The following CNTN4 variants were observed in gnomAD, a reference collection of about 807,000 sequenced individuals.
CNTN4 encodes the protein contactin 4.
A neutral mutation model predicts 122.5 loss-of-function variants in CNTN4; 77 were observed. The ratio of observed to expected loss-of-function variants is 0.63; its 90% CI spans 0.52 to 0.76. CNTN4 has a LOEUF of 0.76. Ranked by LOEUF, CNTN4 falls within the 30% of genes least tolerant of loss-of-function variation. The pLI, the probability that CNTN4 is intolerant of heterozygous loss-of-function variation, is 0.00. For missense variants in CNTN4, 1,256 were observed against 1,259.1 expected (o/e 1.00, Z 0.04); for synonymous variants, 512 against 447.0 (o/e 1.15, Z -1.83).
At chr3:2,631,471 A>G (rs1427515162) in intron 4 of CNTN4, among the ~76,000 whole-genome samples, 1 of 152,154 alleles carries the variant, frequency 6.6e-6, no homozygotes, top group Non-Finnish European at 1.5e-5. Flanking sequence ...CATGTACTAT[A>G]CAAGACCCAC....
chr3:2,982,196 T>C (rs1694090000), intron 13 of CNTN4, among the ~76,000 whole-genome samples: 1 of 152,220 alleles, frequency 6.6e-6, no homozygotes, highest in Admixed American at 6.5e-5. Context: ...GTGTGGTTAT[T>C]CTTCCATTAT....
intron 4 of CNTN4, among the ~76,000 whole-genome samples, chr3:2,729,408 G>A (rs1417178605): frequency 6.6e-6 from 1 of 150,886 alleles, no homozygotes; most frequent in South Asian, 2.1e-4. Flanking sequence ...AGCCGGGCGT[G>A]GTGGCAGGCG....
At chr3:2,604,512 T>G (rs1434952472) in intron 4 of CNTN4, among the ~76,000 whole-genome samples, 1 of 152,038 alleles carries the variant, frequency 6.6e-6, no homozygotes, top group Non-Finnish European at 1.5e-5. Flanking sequence ...TTTCAGTTGG[T>G]AAAAAGTGCT....
At chr3:2,883,719 C>G (rs1448187656) in intron 9 of CNTN4, among the ~76,000 whole-genome samples, 1 of 152,192 alleles carries the variant, frequency 6.6e-6, no homozygotes, top group Non-Finnish European at 1.5e-5. Flanking sequence ...TCTCCTCTGG[C>G]TAGAGATAGG....
intron 2 of CNTN4, among the ~76,000 whole-genome samples, chr3:2,200,834 T>C (rs756227061): frequency 6.6e-6 from 1 of 152,218 alleles, no homozygotes; most frequent in Non-Finnish European, 1.5e-5. Flanking sequence ...AGCCCCCTTA[T>C]GCTTCAGTAG....
At chr3:2,340,155 G>A (rs56214798) in intron 3 of CNTN4, among the ~76,000 whole-genome samples, 10,788 of 152,148 alleles carry the variant, frequency 0.071, 444 homozygotes, top group Middle Eastern at 0.082. Context: ...CACAGATTTT[G>A]GAGATTAGGA....
chr3:2,731,951 A>G (rs2088716856), intron 4 of CNTN4, among the ~76,000 whole-genome samples: 1 of 152,220 alleles, frequency 6.6e-6, no homozygotes, highest in Admixed American at 6.5e-5. Flanking sequence ...TCTGGAGTTC[A>G]ACTACAAGTG....
chr3:2,656,705 A>G (rs186066411), intron 4 of CNTN4, among the ~76,000 whole-genome samples: 1 of 152,368 alleles, frequency 6.6e-6, no homozygotes, highest in African/African-American at 2.4e-5. Flanking sequence ...TGTATGCAGT[A>G]CTAGCTTATG....
chr3:2,586,314 C>T (rs1037741693), intron 4 of CNTN4, among the ~76,000 whole-genome samples: 8 of 152,106 alleles, frequency 5.3e-5, no homozygotes, highest in South Asian at 2.1e-4. Context: ...GTTTTTGAGA[C>T]GGAGTCTTGC....
intron 3 of CNTN4, among the ~76,000 whole-genome samples, chr3:2,466,290 T>C (rs1367822211): frequency 6.6e-6 from 1 of 152,238 alleles, no homozygotes; most frequent in Non-Finnish European, 1.5e-5. Context: ...ATCCTGCACG[T>C]TCTCAGCCCC....
At chr3:2,759,286 G>C (rs2090478827) in intron 6 of CNTN4, among the ~76,000 whole-genome samples, 1 of 152,108 alleles carries the variant, frequency 6.6e-6, no homozygotes, top group Admixed American at 6.5e-5. Context: ...CTCCTGAGTA[G>C]CTGGGATTAC....
chr3:2,257,009 G>A (rs2040621416), intron 2 of CNTN4, among the ~76,000 whole-genome samples: 1 of 152,134 alleles, frequency 6.6e-6, no homozygotes, highest in South Asian at 2.1e-4. Flanking sequence ...GAACAAGGCT[G>A]GAGGCATCAG....
At chr3:2,150,411 C>A (rs1454750405) in intron 2 of CNTN4, among the ~76,000 whole-genome samples, 1 of 151,918 alleles carries the variant, frequency 6.6e-6, no homozygotes, top group Admixed American at 6.6e-5. Flanking sequence ...TCTTTTTTTC[C>A]TTGCAATTTT....
At chr3:2,202,512 C>T (rs1392553764) in intron 2 of CNTN4, among the ~76,000 whole-genome samples, 1 of 152,168 alleles carries the variant, frequency 6.6e-6, no homozygotes, top group Non-Finnish European at 1.5e-5. Flanking sequence ...TAGAACCCTA[C>T]TCAAGACTTA....
intron 4 of CNTN4, among the ~76,000 whole-genome samples, chr3:2,705,955 TAA>T (rs2086705181): frequency 2.3e-5 from 3 of 129,800 alleles, no homozygotes; most frequent in African/African-American, 8.7e-5. Context: ...ATATAATATA[TAA>T]ATATATAAAA....
chr3:2,388,165 T>G (rs757516398), intron 3 of CNTN4, among the ~76,000 whole-genome samples: 1 of 152,232 alleles, frequency 6.6e-6, no homozygotes, highest in Non-Finnish European at 1.5e-5. Context: ...AGTTTCATGC[T>G]GAAAGAGCCA....
At chr3:2,527,148 G>A (rs560511143) in intron 3 of CNTN4, among the ~76,000 whole-genome samples, 1 of 152,284 alleles carries the variant, frequency 6.6e-6, no homozygotes, top group South Asian at 2.1e-4. Flanking sequence ...ACACTGTGTT[G>A]AGCAGAGATC....
chr3:2,943,126 C>A lies in CNTN4; in HGVS notation c.1358+17347C>A, dbSNP rs2094633034. 2.0e-5 allele frequency among the ~76,000 whole-genome samples: 3 copies of A among 152,180 alleles called. No individual in the cohort carries two copies. The South Asian group carries it at 6.2e-4, about 32-fold the overall frequency. ...GTGAGGGCAAATGTCAGAATGCCGCCTTTAGGGTGGAACAAAGATGCAAGT... is the reference window on the plus strand; with the variant it reads ...GTGAGGGCAAATGTCAGAATGCCGCATTTAGGGTGGAACAAAGATGCAAGT... On this transcript the variant is annotated intron_variant, in intron 13 of 24. Transcript: ENST00000418658.
intron 15 of CNTN4, 47 bp from the exon 16 acceptor site, chr3:3,030,808 A>C: frequency 8.8e-6 from 14 of 1,589,822 alleles, no homozygotes; most frequent in Non-Finnish European, 1.1e-5. Flanking sequence ...AATGATATTT[A>C]GAGCTCATTA....
Sources: allele counts gnomAD v4.1 joint callset (sites outside exome capture counted in the v4.1 genomes callset), GRCh38; gene constraint gnomAD v4.1.1; transcripts MANE v1.5; gene names NCBI Gene and HGNC (gene_info 2026-07-23, HGNC 2026-07-21).